The following LAMC1 variants were observed in gnomAD, a reference collection of about 807,000 sequenced individuals.
LAMC1 encodes the protein laminin subunit gamma-1.
In LAMC1, 38 loss-of-function variants were observed where a neutral mutation model predicts 173.6. That is an observed-to-expected ratio of 0.22 (90% CI 0.17 to 0.29). The LOEUF (loss-of-function observed/expected upper bound fraction) is 0.29, where lower values mean the gene tolerates loss of function less well. Ranked by LOEUF, LAMC1 falls within the 10% of genes least tolerant of loss-of-function variation. The probability of loss-of-function intolerance (pLI) is 1.00; values close to 1 mark genes in which losing one functional copy is unlikely to be tolerated. For missense variants in LAMC1, 1,824 were observed against 2,051.8 expected (o/e 0.89, Z 2.14); for synonymous variants, 746 against 749.1 (o/e 1.00, Z 0.07).
At chr1:183,046,316 G>C (rs1216742605) in intron 1 of LAMC1, among the ~76,000 whole-genome samples, 3 of 151,870 alleles carry the variant, frequency 2.0e-5, no homozygotes, top group African/African-American at 7.2e-5. Flanking sequence ...CTATGTTTAG[G>C]CCTGTGCTTA....
intron 1 of LAMC1, among the ~76,000 whole-genome samples, chr1:183,095,291 G>A (rs555088614): frequency 7.2e-5 from 11 of 152,096 alleles, no homozygotes; most frequent in African/African-American, 9.6e-5. Flanking sequence ...CTATACCACC[G>A]TGACTAGGTA....
chr1:183,076,894 A>G (rs1006382685), intron 1 of LAMC1, among the ~76,000 whole-genome samples: 3 of 152,146 alleles, frequency 2.0e-5, no homozygotes, highest in Admixed American at 6.5e-5. Context: ...CTTACCATCT[A>G]ATACCTTGTC....
At chr1:183,031,158 T>TAGGC (rs1653838513) in intron 1 of LAMC1, among the ~76,000 whole-genome samples, 1 of 152,216 alleles carries the variant, frequency 6.6e-6, no homozygotes, top group Non-Finnish European at 1.5e-5. Context: ...ATTTAGAAGA[T>TAGGC]AGGCATACTG....
At chr1:183,034,676 AG>A (rs1653933585) in intron 1 of LAMC1, among the ~76,000 whole-genome samples, 1 of 152,168 alleles carries the variant, frequency 6.6e-6, no homozygotes, top group Non-Finnish European at 1.5e-5. Context: ...GAAAAGTAAT[AG>A]ACATGAGTGT....
chr1:183,043,511 CTAAA>C (rs748786055), intron 1 of LAMC1, among the ~76,000 whole-genome samples: 15 of 152,120 alleles, frequency 9.9e-5, no homozygotes, highest in Middle Eastern at 3.4e-3. Flanking sequence ...AATTGGTTAT[CTAAA>C]TAAGCAGATA....
rs1411733554 is a variant in LAMC1 at position 183,117,706 on chromosome 1, T to C, written c.1860T>C (p.Thr620=). 4 of 1,613,848 alleles carry C rather than the reference T, an allele frequency of 2.5e-6. No individual in the cohort carries two copies. The highest frequency in any genetic ancestry group is 3.4e-6 in the Non-Finnish European group (4 of 1,179,792). ...GCAATTCCTATCCAAGTGAGACCACTGTGAAGTATGTCTTCAGGTAAGATA... is the reference window on the plus strand; with the variant it reads ...GCAATTCCTATCCAAGTGAGACCACCGTGAAGTATGTCTTCAGGTAAGATA... ...AQGNSYPSET[T]VKYVFRLHEA... is the part of the protein sequence containing the mutation. The change falls in exon 10 of 28, where the codon ACT becomes ACC. Residue 620 remains threonine, a synonymous_variant. Coordinates refer to ENST00000258341, the MANE Select transcript of LAMC1 (RefSeq NM_002293.4).
Position 183,121,961 on chromosome 1 carries a change from C to G in LAMC1, c.2212+17C>G, listed in dbSNP as rs573464000. On this transcript the variant is annotated intron_variant, in intron 12 of 27. Transcript: ENST00000258341. ...CTGAGACAGGTGAGATGATCTTTGG[C>G]AGCTCTTAGACCTAACTTCTCTTTA... 6.2e-7 allele frequency: 1 copy of G among 1,612,418 alleles called. No homozygotes were observed. Among genetic ancestry groups the G allele is most frequent in the East Asian group, 2.2e-5 (1 of 44,858 alleles).
intron 20 of LAMC1, 115 bp downstream of exon 20, chr1:183,131,493 T>C: frequency 2.8e-6 from 2 of 705,588 alleles, no homozygotes; most frequent in Admixed American, 4.5e-5. Context: ...AAACACTTTC[T>C]ACATAACCCA....
In LAMC1 at chr1:183,142,824, CA is replaced by C. The variant is rs1657153109; in HGVS notation, c.*35del. 3.2e-6 allele frequency: 5 copies of C among 1,573,318 alleles called. No individual in the cohort carries two copies. The highest frequency in any genetic ancestry group is 1.4e-5 in the African/African-American group (1 of 73,836). ...GGGCTGGAAGGCAGCATCCCTCTGA[CA>C]GGGGGGCAGTTGTGAGGCCACAGAG... On this transcript the variant is annotated 3_prime_UTR_variant, in exon 28 of 28. Coordinates refer to ENST00000258341, the MANE Select transcript of LAMC1 (RefSeq NM_002293.4).
chr1:183,055,473 T>TAA (rs34551793), intron 1 of LAMC1, among the ~76,000 whole-genome samples: 2 of 147,324 alleles, frequency 1.4e-5, no homozygotes, highest in African/African-American at 2.5e-5. Context: ...CCCTATTGTG[T>TAA]AAAAAAAAAA....
chr1:183,095,869 T>A (rs922791614), intron 1 of LAMC1, among the ~76,000 whole-genome samples: 18 of 152,218 alleles, frequency 1.2e-4, no homozygotes, highest in African/African-American at 4.1e-4. Flanking sequence ...AGGATGAATT[T>A]ATCGTATGTT....
At chr1:183,044,455 T>A (rs913960060) in intron 1 of LAMC1, among the ~76,000 whole-genome samples, 2 of 152,120 alleles carry the variant, frequency 1.3e-5, no homozygotes, top group African/African-American at 4.8e-5. Context: ...AACCATTAGG[T>A]CAGTAACTTA....
chr1:183,064,031 A>G (rs1239127534), intron 1 of LAMC1, among the ~76,000 whole-genome samples: 2 of 152,268 alleles, frequency 1.3e-5, no homozygotes, highest in East Asian at 1.9e-4. Flanking sequence ...TGAAATCTGT[A>G]TTAGGTATTG....
In LAMC1 at chr1:183,023,920, G is replaced by T; in HGVS notation, c.204G>T (p.Thr68=). The change falls in exon 1 of 28, where the codon ACG becomes ACT. Residue 68 remains threonine (T), a synonymous_variant. Transcript: ENST00000258341. ...AFNVTVVATN[T]CGTPPEEYCV... ...ACGTGACTGTGGTGGCCACCAACAC[G>T]TGTGGGACTCCGCCCGAGGAATACT... 6.2e-7 allele frequency: 1 copy of T among 1,613,234 alleles called. No individual in the cohort carries two copies. Among genetic ancestry groups the T allele is most frequent in the Non-Finnish European group, 8.5e-7 (1 of 1,179,944 alleles).
chr1:183,135,959 C>A lies in LAMC1; in HGVS notation c.4115-427C>A, dbSNP rs77922705. Among the ~76,000 whole-genome samples, 844 of 150,660 alleles carry A rather than the reference C, an allele frequency of 5.6e-3. 8 individuals carry two copies. The highest frequency in any genetic ancestry group is 0.02 in the African/African-American group (812 of 40,974). On this transcript the variant is annotated intron_variant, in intron 24 of 27. Transcript: ENST00000258341. Reference sequence around the variant, plus strand: ...GGTGTCAGTGGGCCTTGGTTCAAAACCCTGCACCCTGCACCACAGGTCATG... The same window carrying A: ...GGTGTCAGTGGGCCTTGGTTCAAAAACCTGCACCCTGCACCACAGGTCATG...
chr1:183,128,523 G>C, intron 17 of LAMC1, 71 bp from the exon 18 acceptor site: 1 of 1,299,798 alleles, frequency 7.7e-7, no homozygotes, highest in Non-Finnish European at 1.1e-6. Context: ...ATTCCTGCAG[G>C]AAGTGTGATT....
At chr1:183,121,581 G>T in intron 11 of LAMC1, 142 bp from the exon 12 acceptor site, 1 of 640,808 alleles carries the variant, frequency 1.6e-6, no homozygotes, top group African/African-American at 1.8e-5. Flanking sequence ...TGGATATCTC[G>T]TTTAGTGTAT....
At chr1:183,090,579 G>A (rs1277071151) in intron 1 of LAMC1, among the ~76,000 whole-genome samples, 2 of 152,200 alleles carry the variant, frequency 1.3e-5, no homozygotes, top group African/African-American at 4.8e-5. Flanking sequence ...TTGTCCATCC[G>A]CTCAGAAGAG....
At position 183,137,717 on chromosome 1, in the gene LAMC1, A is replaced by G. The variant is rs752486752; in HGVS notation, c.4363A>G (p.Thr1455Ala). The stretch of plus-strand genomic sequence containing the variant: ...AGCTGAAAGAACTTTTGCAGAAGTT[A>G]CAGATCTGGATAATGAGGTGAACAA... ...AEAERTFAEV[T>A]DLDNEVNNML... Residue 1455 changes from threonine (T) to alanine (A), a missense_variant, in exon 26 of 28, where the codon ACA becomes GCA. Physicochemically the swap from Thr to Ala is moderately conservative, Grantham distance 58. Transcript: ENST00000258341. The G allele has an allele frequency of 2.5e-6, 4 of 1,595,402 alleles. No homozygotes were observed. The highest frequency in any genetic ancestry group is 2.3e-5 in the East Asian group (1 of 44,350).
Sources: allele counts gnomAD v4.1 joint callset (sites outside exome capture counted in the v4.1 genomes callset), GRCh38; gene constraint gnomAD v4.1.1; transcripts MANE v1.5; gene names NCBI Gene and HGNC (gene_info 2026-07-23, HGNC 2026-07-21).